Variants in ZC3H3 observed in about 807,000 individuals in gnomAD.
ZC3H3 encodes the protein zinc finger CCCH-type containing 3.
ZC3H3 carries 36 observed loss-of-function variants against 77.3 expected under a neutral mutation model. The observed-to-expected ratio is 0.47, with a 90% CI of 0.36 to 0.61. The LOEUF is 0.61. Among genes scored for constraint, ZC3H3 ranks in the 20% least tolerant of loss-of-function variants. The pLI is 0.00. For synonymous variants in ZC3H3, 626 were observed against 555.2 expected (o/e 1.13, Z -1.79); for missense variants, 1,331 against 1,312.2 (o/e 1.01, Z -0.22).
At chr8:143,529,489 C>T (rs954300704) in intron 3 of ZC3H3, among the ~76,000 whole-genome samples, 2 of 152,190 alleles carry the variant, frequency 1.3e-5, no homozygotes, top group Non-Finnish European at 2.9e-5. Context: ...CACAGGAGGG[C>T]CCCAGGGACC....
chr8:143,466,801 G>C (rs1820420423), intron 8 of ZC3H3, among the ~76,000 whole-genome samples: 1 of 152,180 alleles, frequency 6.6e-6, no homozygotes, highest in African/African-American at 2.4e-5. Flanking sequence ...TCCCTCCTGG[G>C]TCAGACCACC....
chr8:143,501,138 A>T (rs1821513565), intron 4 of ZC3H3, among the ~76,000 whole-genome samples: 1 of 151,494 alleles, frequency 6.6e-6, no homozygotes, highest in African/African-American at 2.4e-5. Flanking sequence ...ATGTCAACAT[A>T]AGTTTTGGAG....
At chr8:143,508,969 G>T (rs935195973) in intron 3 of ZC3H3, among the ~76,000 whole-genome samples, 1 of 152,152 alleles carries the variant, frequency 6.6e-6, no homozygotes, top group Non-Finnish European at 1.5e-5. Context: ...ACCTTGAGCA[G>T]CCAGGGCCCC....
chr8:143,534,909 A>G (rs1255418541), intron 3 of ZC3H3, among the ~76,000 whole-genome samples: 1 of 151,734 alleles, frequency 6.6e-6, no homozygotes, highest in Non-Finnish European at 1.5e-5. Context: ...ACCCGGCTGC[A>G]TCGCCCCATT....
intron 6 of ZC3H3, 26 bp downstream of exon 6, chr8:143,468,591 C>A (rs1222395437): frequency 2.5e-6 from 4 of 1,580,378 alleles, no homozygotes; most frequent in Non-Finnish European, 3.4e-6. Context: ...AGGGAGCCCA[C>A]CCACTGCCCA....
At chr8:143,500,096 C>A (rs1041259148) in intron 4 of ZC3H3, among the ~76,000 whole-genome samples, 4 of 152,264 alleles carry the variant, frequency 2.6e-5, no homozygotes, top group Non-Finnish European at 5.9e-5. Context: ...CTCAACCCCC[C>A]ACAGGCCCCT....
chr8:143,472,431 AC>A (rs1329199640), intron 5 of ZC3H3, among the ~76,000 whole-genome samples: 1 of 152,216 alleles, frequency 6.6e-6, no homozygotes, highest in Non-Finnish European at 1.5e-5. Context: ...AGCACTTGGC[AC>A]CGACGGGGAG....
intron 3 of ZC3H3, among the ~76,000 whole-genome samples, chr8:143,520,178 G>T (rs1822195271): frequency 6.6e-6 from 1 of 152,236 alleles, no homozygotes; most frequent in South Asian, 2.1e-4. Context: ...TGAAAATGCT[G>T]CCTAGGGGCC....
intron 3 of ZC3H3, among the ~76,000 whole-genome samples, chr8:143,535,434 C>T (rs772228220): frequency 1.3e-5 from 2 of 152,198 alleles, no homozygotes; most frequent in Non-Finnish European, 1.5e-5. Context: ...GTCACAGACA[C>T]GAGCTCGGGA....
At chr8:143,508,162 G>A (rs1013357166) in intron 3 of ZC3H3, among the ~76,000 whole-genome samples, 1 of 152,248 alleles carries the variant, frequency 6.6e-6, no homozygotes, top group East Asian at 1.9e-4. Context: ...GGAGAAACAA[G>A]GGAATGCCCA....
At chr8:143,520,596 T>C (rs1822210817) in intron 3 of ZC3H3, among the ~76,000 whole-genome samples, 1 of 152,198 alleles carries the variant, frequency 6.6e-6, no homozygotes, top group African/African-American at 2.4e-5. Flanking sequence ...TGTAAGCTTC[T>C]GGCTGGAGCC....
chr8:143,532,560 A>G (rs1159590454), intron 3 of ZC3H3, among the ~76,000 whole-genome samples: 3 of 152,224 alleles, frequency 2.0e-5, no homozygotes, highest in Non-Finnish European at 4.4e-5. Context: ...CGACCCCAGC[A>G]TCCAGGAACG....
intron 4 of ZC3H3, 96 bp from the exon 5 acceptor site, chr8:143,475,681 A>G: frequency 7.3e-7 from 1 of 1,366,216 alleles, no homozygotes; most frequent in Non-Finnish European, 9.7e-7. Flanking sequence ...TGGCCTCCCA[A>G]GGGGGACAGG....
intron 3 of ZC3H3, among the ~76,000 whole-genome samples, chr8:143,519,624 G>A (rs1251525015): frequency 1.3e-5 from 2 of 152,180 alleles, no homozygotes; most frequent in African/African-American, 4.8e-5. Flanking sequence ...GGGAAGGACA[G>A]GCGAGCGTGC....
chr8:143,539,066 C>G lies in ZC3H3; in HGVS notation c.301G>C (p.Gly101Arg). 6.2e-7 allele frequency: 1 copy of G among 1,612,948 alleles called. No individual in the cohort carries two copies. Among genetic ancestry groups the G allele is most frequent in the South Asian group, 1.1e-5 (1 of 91,080 alleles). Residue 101 changes from glycine (G) to arginine (R), a missense_variant, in exon 2 of 12, where the codon GGC becomes CGC. This residue lies in a region of ZC3H3 where 978 missense variants were observed against 915.5 expected (regional missense o/e 1.07). Coordinates refer to ENST00000262577, the MANE Select transcript of ZC3H3 (RefSeq NM_015117.3). ...TGCTGCTGCGGGACAGGAGGCTGGC[C>G]CCCCCGGGCCCCGTGCAACGGCCGC... ...AVRPLHGARG[G>R]QPPVPQQHVL... is the part of the protein sequence containing the mutation.
chr8:143,473,989 G>C (rs942509044), intron 5 of ZC3H3, among the ~76,000 whole-genome samples: 7 of 152,194 alleles, frequency 4.6e-5, no homozygotes, highest in African/African-American at 1.7e-4. Flanking sequence ...CCGAGGATCA[G>C]AGGTAACCAG....
At chr8:143,455,978 C>CAAAAA (rs58754874) in intron 9 of ZC3H3, among the ~76,000 whole-genome samples, 1 of 40,896 alleles carries the variant, frequency 2.4e-5, no homozygotes, top group Non-Finnish European at 4.5e-5. Flanking sequence ...GACTCTGTCT[C>CAAAAA]AAAAAAAAAA....
intron 4 of ZC3H3, among the ~76,000 whole-genome samples, chr8:143,500,246 A>G (rs73715637): frequency 0.018 from 2,812 of 152,334 alleles, 80 homozygotes; most frequent in African/African-American, 0.064. Context: ...AGGACAGCAC[A>G]GTGGGCAGAG....
intron 3 of ZC3H3, among the ~76,000 whole-genome samples, chr8:143,513,706 G>A (rs1374993368): frequency 1.3e-5 from 2 of 152,210 alleles, no homozygotes; most frequent in South Asian, 2.1e-4. Context: ...ACTGTCTCTC[G>A]TTGAAGGCAG....
Sources: allele counts gnomAD v4.1 joint callset (sites outside exome capture counted in the v4.1 genomes callset), GRCh38; gene constraint gnomAD v4.1.1; regional missense constraint gnomAD v4.1.1; transcripts MANE v1.5; gene names NCBI Gene and HGNC (gene_info 2026-07-23, HGNC 2026-07-21).